The following C6 variants were observed in gnomAD, a reference collection of about 807,000 sequenced individuals.
C6 encodes complement component C6.
C6 carries 101 observed loss-of-function variants against 112.9 expected under a neutral mutation model. The observed-to-expected ratio is 0.89, with a 90% CI of 0.76 to 1.06. The LOEUF is 1.06. Ranked by LOEUF, C6 falls within the 50% of genes least tolerant of loss-of-function variation. The probability of loss-of-function intolerance (pLI) is 0.00; values close to 1 mark genes in which losing one functional copy is unlikely to be tolerated. For missense variants in C6, 1,202 were observed against 1,104.6 expected (o/e 1.09, Z -1.25); for synonymous variants, 431 against 384.1 (o/e 1.12, Z -1.43).
intron 1 of C6, among the ~76,000 whole-genome samples, chr5:41,226,684 C>T (rs1739529071): frequency 6.6e-6 from 1 of 152,108 alleles, no homozygotes; most frequent in South Asian, 2.1e-4. Flanking sequence ...TTTAGATTCC[C>T]CACATAAGTG....
At chr5:41,145,858 C>T (rs974650348) in intron 17 of C6, among the ~76,000 whole-genome samples, 1 of 152,134 alleles carries the variant, frequency 6.6e-6, no homozygotes, top group Non-Finnish European at 1.5e-5. Flanking sequence ...ATGGTCACTA[C>T]CCTTTTAGTA....
rs1422127515 is a variant in C6 at position 41,142,395 on chromosome 5, G to C, written c.*430C>G. The C allele has an allele frequency of 2.4e-5, 5 of 207,548 alleles. No individual in the cohort carries two copies. Among genetic ancestry groups the C allele is most frequent in the Admixed American group, 1.6e-4 (3 of 19,334 alleles). The allele number at this position is 207,548 out of a possible 1,614,324, so 12.9% of individuals were successfully genotyped here. A position where few individuals can be genotyped will look rare whatever the true frequency, so the allele number is the denominator to read the frequency against. Reference sequence around the variant, plus strand: ...TATACACACTCAGAAATTATTTGTTGAATGAAGATATGAAAGCTGGGCTTC... The same window carrying C: ...TATACACACTCAGAAATTATTTGTTCAATGAAGATATGAAAGCTGGGCTTC... On this transcript the variant is annotated 3_prime_UTR_variant, in exon 18 of 18. Coordinates refer to ENST00000337836, the MANE Select transcript of C6 (RefSeq NM_000065.5).
At chr5:41,161,624 T>C (rs1413713795) in intron 10 of C6, 69 bp downstream of exon 10, 8 of 1,191,820 alleles carry the variant, frequency 6.7e-6, no homozygotes, top group Non-Finnish European at 1.0e-5. Context: ...AAATAAATTG[T>C]GTGATGTGCA....
chr5:41,185,881 T>G (rs1385330743), intron 6 of C6, among the ~76,000 whole-genome samples, 189 bp downstream of exon 6: 1 of 152,168 alleles, frequency 6.6e-6, no homozygotes, highest in East Asian at 1.9e-4. Context: ...TACCTTAGTT[T>G]TTTCATCTGT....
chr5:41,260,913 T>C (rs1449925052), intron 1 of C6, among the ~76,000 whole-genome samples: 1 of 152,158 alleles, frequency 6.6e-6, no homozygotes, highest in Non-Finnish European at 1.5e-5. Context: ...CAAGTTAGAT[T>C]TGACAAAATT....
chr5:41,149,754 T>G (rs1746201448), intron 16 of C6, among the ~76,000 whole-genome samples, 181 bp downstream of exon 16: 1 of 152,182 alleles, frequency 6.6e-6, no homozygotes, highest in Non-Finnish European at 1.5e-5. Context: ...GGCTGAGAGA[T>G]AATTAAGAAA....
At chr5:41,245,602 A>C (rs1740974871) in intron 1 of C6, among the ~76,000 whole-genome samples, 1 of 152,158 alleles carries the variant, frequency 6.6e-6, no homozygotes, top group South Asian at 2.1e-4. Flanking sequence ...CAATTTCTGT[A>C]CCTTAATTTG....
At chr5:41,166,467 A>G (rs1280770005) in intron 9 of C6, among the ~76,000 whole-genome samples, 1 of 152,170 alleles carries the variant, frequency 6.6e-6, no homozygotes, top group African/African-American at 2.4e-5. Context: ...CAGAACACTT[A>G]GGACAGTGCC....
intron 8 of C6, among the ~76,000 whole-genome samples, chr5:41,173,302 T>C (rs2150304452): frequency 6.6e-6 from 1 of 152,310 alleles, no homozygotes; most frequent in Middle Eastern, 3.4e-3. Context: ...TGTTGAAGAT[T>C]TGGGCATCTG....
chr5:41,220,583 C>T (rs151336094), intron 1 of C6, among the ~76,000 whole-genome samples: 3 of 152,074 alleles, frequency 2.0e-5, no homozygotes, highest in East Asian at 1.9e-4. Flanking sequence ...TTTACTATAA[C>T]CATATGAGTG....
At chr5:41,228,333 T>A (rs1165809379) in intron 1 of C6, among the ~76,000 whole-genome samples, 1 of 152,150 alleles carries the variant, frequency 6.6e-6, no homozygotes, top group Non-Finnish European at 1.5e-5. Flanking sequence ...TTACCAAATT[T>A]GTTTATTGGT....
At chr5:41,181,113 TG>T (rs1749304100) in intron 7 of C6, among the ~76,000 whole-genome samples, 2 of 151,620 alleles carry the variant, frequency 1.3e-5, no homozygotes, top group East Asian at 3.9e-4. Context: ...TACAACAATA[TG>T]AAAAAAAAGT....
chr5:41,257,975 G>GA (rs778672958), intron 1 of C6, among the ~76,000 whole-genome samples: 10 of 151,718 alleles, frequency 6.6e-5, no homozygotes, highest in South Asian at 6.2e-4. Context: ...ATTTCACATA[G>GA]AAAAAAATCT....
chr5:41,207,160 A>G (rs1751502236), intron 1 of C6, among the ~76,000 whole-genome samples: 1 of 152,222 alleles, frequency 6.6e-6, no homozygotes, highest in South Asian at 2.1e-4. Context: ...AAAATACTTT[A>G]CAGACAAGGA....
chr5:41,192,239 A>G (rs1750271942), intron 5 of C6, among the ~76,000 whole-genome samples: 1 of 152,188 alleles, frequency 6.6e-6, no homozygotes, highest in Admixed American at 6.5e-5. Context: ...TGGATTAAAT[A>G]CTACTTAATT....
Position 41,158,655 on chromosome 5 carries a change from T to G in C6, c.1968+19A>C, listed in dbSNP as rs1384039601. On this transcript the variant is annotated intron_variant, in intron 13 of 17. Coordinates refer to ENST00000337836, the MANE Select transcript of C6 (RefSeq NM_000065.5). ...GGTTTTTAAAACTACAAACCAAAAG[T>G]GAGGTTTAGGATGCTGACCCGGATA... is the stretch of plus-strand genomic sequence containing the variant. The G allele has an allele frequency of 1.5e-5, 21 of 1,394,244 alleles. No individual in the cohort carries two copies. Among genetic ancestry groups the G allele is most frequent in the Non-Finnish European group, 1.9e-5 (19 of 979,406 alleles). 86.4% of individuals were successfully genotyped at this position (1,394,244 alleles called of 1,614,324 possible).
At position 41,246,997 on chromosome 5, in the gene C6, T is replaced by C. The variant is rs189453451; in HGVS notation, c.-21+14197A>G. Among the ~76,000 whole-genome samples, 327 of 152,280 alleles carry C rather than the reference T, an allele frequency of 2.1e-3. 1 individual carries two copies. Among genetic ancestry groups the C allele is most frequent in the African/African-American group, 7.6e-3 (315 of 41,532 alleles). On this transcript the variant is annotated intron_variant, in intron 1 of 17. Transcript: ENST00000263413. ...ACAGATATCAGTTAAGTATTAATAATAAAAATTTTGGTTAGATATTATACT... is the reference window on the plus strand; with the variant it reads ...ACAGATATCAGTTAAGTATTAATAACAAAAATTTTGGTTAGATATTATACT...
chr5:41,216,495 A>G (rs1752200344), upstream of C6, among the ~76,000 whole-genome samples: 1 of 152,062 alleles, frequency 6.6e-6, no homozygotes, highest in African/African-American at 2.4e-5. Flanking sequence ...TCACCTTTGT[A>G]TTGATTGCTT....
At chr5:41,185,324 T>C (rs1749684118) in intron 6 of C6, among the ~76,000 whole-genome samples, 1 of 152,154 alleles carries the variant, frequency 6.6e-6, no homozygotes, top group Non-Finnish European at 1.5e-5. Flanking sequence ...TTAAATGAGT[T>C]TTTGCTGAAC....
Sources: allele counts gnomAD v4.1 joint callset (sites outside exome capture counted in the v4.1 genomes callset), GRCh38; gene constraint gnomAD v4.1.1; transcripts MANE v1.5; gene names NCBI Gene and HGNC (gene_info 2026-07-23, HGNC 2026-07-21).